The following WWP1 variants were observed in gnomAD, a reference collection of about 807,000 sequenced individuals.
The protein encoded by WWP1 is WW domain containing E3 ubiquitin protein ligase 1, also known as NEDD4-like E3 ubiquitin-protein ligase WWP1.
Under a neutral mutation model 130.6 loss-of-function variants are expected in WWP1, and 49 were observed. The ratio of observed to expected loss-of-function variants is 0.38; its 90% CI spans 0.30 to 0.48. The LOEUF (loss-of-function observed/expected upper bound fraction) is 0.48. WWP1 is among the 20% of genes least tolerant of loss of function. WWP1 has a pLI of 0.99. For missense variants in WWP1, 809 were observed against 1,100.6 expected (o/e 0.74, Z 3.75); for synonymous variants, 332 against 367.8 (o/e 0.90, Z 1.11).
intron 5 of WWP1, among the ~76,000 whole-genome samples, chr8:86,395,309 C>T (rs1293995804): frequency 2.6e-5 from 4 of 152,142 alleles, no homozygotes; most frequent in African/African-American, 9.7e-5. Flanking sequence ...GCCATTGTAA[C>T]GTGAAAGCAG....
intron 12 of WWP1, among the ~76,000 whole-genome samples, chr8:86,431,101 TATA>T (rs972787733): frequency 1.5e-5 from 2 of 137,412 alleles, no homozygotes; most frequent in African/African-American, 5.4e-5. Context: ...GTATTATATA[TATA>T]ATATACAGAA....
chr8:86,353,107 A>T (rs1459979602), intron 1 of WWP1, among the ~76,000 whole-genome samples: 1 of 152,202 alleles, frequency 6.6e-6, no homozygotes, highest in Non-Finnish European at 1.5e-5. Context: ...TGGGGGCATG[A>T]TGTGTCTCTT....
At chr8:86,461,182 A>T in intron 22 of WWP1, 42 bp from the exon 23 acceptor site, 2 of 1,499,122 alleles carry the variant, frequency 1.3e-6, no homozygotes, top group Non-Finnish European at 1.9e-6. Flanking sequence ...GATTGAAGAT[A>T]GTTTAGCATT....
Position 86,380,880 on chromosome 8 carries a change from A to C in WWP1, c.209+16A>C, listed in dbSNP as rs1389561000. 6.4e-7 allele frequency: 1 copy of C among 1,559,842 alleles called. No individual in the cohort carries two copies. The highest frequency in any genetic ancestry group is 1.4e-5 in the African/African-American group (1 of 72,322). ...AGCTAACTGTGTAAGTACCTTGTGT[A>C]AAGGACGGAAAATCTTCACAAGAAA... On this transcript the variant is annotated intron_variant, in intron 4 of 24. Coordinates refer to ENST00000517970, the MANE Select transcript of WWP1 (RefSeq NM_007013.4).
chr8:86,442,506 G>A, intron 17 of WWP1, 113 bp from the exon 18 acceptor site: 1 of 1,000,908 alleles, frequency 1.0e-6, no homozygotes, highest in Admixed American at 3.4e-5. Flanking sequence ...TTGGGCAGTG[G>A]AGTTCTTAAA....
chr8:86,452,828 T>G, intron 21 of WWP1, 149 bp downstream of exon 21: 1 of 1,014,338 alleles, frequency 9.9e-7, no homozygotes, highest in Non-Finnish European at 1.4e-6. Flanking sequence ...GTGGTATTTA[T>G]TCTAGCATTG....
intron 22 of WWP1, among the ~76,000 whole-genome samples, chr8:86,460,062 G>T (rs747594373): frequency 4.6e-5 from 7 of 152,140 alleles, no homozygotes; most frequent in Non-Finnish European, 7.3e-5. Flanking sequence ...TGCTCCCTAT[G>T]TTCCTTGCTT....
At chr8:86,353,228 A>G (rs978459015) in intron 1 of WWP1, among the ~76,000 whole-genome samples, 2 of 111,526 alleles carry the variant, frequency 1.8e-5, no homozygotes, top group African/African-American at 5.8e-5. Context: ...CTAATCTCTA[A>G]CTGTTATTTA....
chr8:86,417,952 G>A (rs1385233062), intron 9 of WWP1, among the ~76,000 whole-genome samples: 1 of 152,160 alleles, frequency 6.6e-6, no homozygotes, highest in Admixed American at 6.6e-5. Flanking sequence ...GTGGCCTTAT[G>A]TAAAAAAACT....
chr8:86,451,970 G>A (rs530119081), intron 20 of WWP1, among the ~76,000 whole-genome samples: 31 of 152,100 alleles, frequency 2.0e-4, no homozygotes, highest in Admixed American at 1.5e-3. Flanking sequence ...GGAAATCTTC[G>A]TGTTTTCCAA....
At chr8:86,355,449 AT>A (rs1172162058) in intron 1 of WWP1, among the ~76,000 whole-genome samples, 2 of 152,240 alleles carry the variant, frequency 1.3e-5, no homozygotes, top group African/African-American at 2.4e-5. Flanking sequence ...AATATTAAAA[AT>A]TTTTGAATTT....
chr8:86,360,238 C>A (rs1478613348), intron 1 of WWP1, among the ~76,000 whole-genome samples: 3 of 152,036 alleles, frequency 2.0e-5, no homozygotes, highest in Non-Finnish European at 4.4e-5. Context: ...AAATAAGTTT[C>A]TGGTGGTTTT....
At chr8:86,455,519 A>G (rs1324441820) in intron 21 of WWP1, among the ~76,000 whole-genome samples, 1 of 152,028 alleles carries the variant, frequency 6.6e-6, no homozygotes, top group East Asian at 1.9e-4. Flanking sequence ...TCGTATTTTT[A>G]TGTATTAGCA....
chr8:86,438,636 A>G lies in WWP1; in HGVS notation c.1801A>G (p.Arg601Gly). ...DLRRRLYVIFRGEEGLDYGGL... is the reference protein window; with the variant it reads ...DLRRRLYVIFGGEEGLDYGGL... ...GAGGAGGCGCTTATATGTAATATTT[A>G]GAGGAGAAGAAGGACTTGATTATGG... The change falls in exon 17 of 25, where the codon AGA becomes GGA. Residue 601 changes from arginine to glycine, a missense_variant. Arg to Gly is a moderately radical substitution (Grantham distance 125, BLOSUM62 -2). Coordinates refer to ENST00000517970, the MANE Select transcript of WWP1 (RefSeq NM_007013.4). 4 of 1,608,724 alleles carry G rather than the reference A, an allele frequency of 2.5e-6. No individual in the cohort carries two copies. Among genetic ancestry groups the G allele is most frequent in the Non-Finnish European group, 3.4e-6 (4 of 1,178,686 alleles).
chr8:86,404,792 T>C (rs894824706), intron 8 of WWP1, among the ~76,000 whole-genome samples: 10 of 152,246 alleles, frequency 6.6e-5, no homozygotes, highest in African/African-American at 2.4e-4. Context: ...AGGGCACAGC[T>C]AGGAAGTAGA....
At chr8:86,432,673 T>C (rs770143254) in intron 14 of WWP1, among the ~76,000 whole-genome samples, 3 of 152,114 alleles carry the variant, frequency 2.0e-5, no homozygotes, top group East Asian at 3.9e-4. Flanking sequence ...AATGATGCGA[T>C]GTCAGCTCAC....
intron 1 of WWP1, among the ~76,000 whole-genome samples, chr8:86,348,641 T>A (rs1455895749): frequency 6.6e-6 from 1 of 152,236 alleles, no homozygotes; most frequent in African/African-American, 2.4e-5. Flanking sequence ...GCCTTTCCTC[T>A]TGGAACCTGG....
Position 86,431,602 on chromosome 8 carries a change from C to CT in WWP1, c.1473-10dup. The CT allele has an allele frequency of 3.1e-6, 5 of 1,612,652 alleles. No homozygotes were observed. Among genetic ancestry groups the CT allele is most frequent in the Non-Finnish European group, 4.2e-6 (5 of 1,179,592 alleles). Reference sequence around the variant, plus strand: ...GAAAAGGTTCATCTTGTGATTTTAACTTTATCTTTTAGCTTACAGAATGAA... The same window carrying CT: ...GAAAAGGTTCATCTTGTGATTTTAACTTTTATCTTTTAGCTTACAGAATGAA... On this transcript the variant is annotated splice_polypyrimidine_tract_variant and intron_variant, in intron 13 of 24. Coordinates refer to ENST00000517970, the MANE Select transcript of WWP1 (RefSeq NM_007013.4).
chr8:86,453,267 C>T (rs1419807228), intron 21 of WWP1, among the ~76,000 whole-genome samples: 1 of 152,136 alleles, frequency 6.6e-6, no homozygotes, highest in Non-Finnish European at 1.5e-5. Flanking sequence ...TTGATACCTC[C>T]TATGAGTGAA....
Sources: gnomAD v4.1 joint callset for allele counts (sites outside exome capture counted in the v4.1 genomes callset) on GRCh38, gnomAD v4.1.1 for gene constraint, MANE v1.5 for transcripts, NCBI Gene and HGNC (gene_info 2026-07-23, HGNC 2026-07-21) for gene names.